CNN3: variants seen among roughly 807,000 people sequenced by gnomAD.
CNN3 encodes the protein calponin 3, also known as calponin-3.
CNN3 carries 11 observed loss-of-function variants against 39.0 expected under a neutral mutation model. That is an observed-to-expected ratio of 0.28 (90% CI 0.18 to 0.47). The LOEUF (loss-of-function observed/expected upper bound fraction) is 0.47. Among genes scored for constraint, CNN3 ranks in the 20% least tolerant of loss-of-function variants. The pLI is 0.99. For missense variants in CNN3, 266 were observed against 403.4 expected (o/e 0.66, Z 2.92); for synonymous variants, 101 against 138.3 (o/e 0.73, Z 1.89).
At chr1:94,905,189 C>T (rs1426238990) in intron 1 of CNN3, among the ~76,000 whole-genome samples, 1 of 152,126 alleles carries the variant, frequency 6.6e-6, no homozygotes, top group African/African-American at 2.4e-5. Context: ...TGTAAGTCAC[C>T]CAACAGTGAA....
intron 1 of CNN3, among the ~76,000 whole-genome samples, chr1:94,907,161 G>A (rs1168244805): frequency 6.6e-6 from 1 of 152,182 alleles, no homozygotes; most frequent in Non-Finnish European, 1.5e-5. Context: ...GTATGTACAA[G>A]CATGCAAAAC....
At chr1:94,907,420 C>A (rs977723294) in intron 1 of CNN3, among the ~76,000 whole-genome samples, 2 of 152,170 alleles carry the variant, frequency 1.3e-5, no homozygotes, top group African/African-American at 4.8e-5. Context: ...GATTTACTAT[C>A]TTCATCTAAA....
In CNN3 at chr1:94,897,702, A is replaced by T. The variant is rs192297808; in HGVS notation, c.*40T>A. On this transcript the variant is annotated 3_prime_UTR_variant, in exon 7 of 7. Transcript: ENST00000370206. Reference sequence around the variant, plus strand: ...AAGGCTAGCTTGGTTCTCACTGAATAAAAACAAAGGACTAAATACTGAGCT... The same window carrying T: ...AAGGCTAGCTTGGTTCTCACTGAATTAAAACAAAGGACTAAATACTGAGCT... 6.4e-7 allele frequency: 1 copy of T among 1,557,582 alleles called. No homozygotes were observed. Among genetic ancestry groups the T allele is most frequent in the Non-Finnish European group, 8.8e-7 (1 of 1,139,000 alleles).
At position 94,897,462 on chromosome 1, in the gene CNN3, G is replaced by A; in HGVS notation, c.*280C>T. 1.2e-5 allele frequency: 3 copies of A among 242,226 alleles called. No homozygotes were observed. The Admixed American group carries it at 1.6e-4, about 13-fold the overall frequency. 15.0% of individuals were successfully genotyped at this position (242,226 alleles called of 1,614,324 possible). ...AAAATGCATAGATTTTTGCATAAAA[G>A]AACTGGCTGTACAAGAGTACTCCCC... On this transcript the variant is annotated 3_prime_UTR_variant, in exon 7 of 7. Transcript: ENST00000370206.
At chr1:94,900,316 C>T (rs1670830765) in intron 5 of CNN3, among the ~76,000 whole-genome samples, 1 of 152,064 alleles carries the variant, frequency 6.6e-6, no homozygotes, top group Admixed American at 6.5e-5. Flanking sequence ...CATTGTGATA[C>T]CACCATCCAT....
intron 1 of CNN3, among the ~76,000 whole-genome samples, chr1:94,916,155 T>C (rs1032959393): frequency 1.4e-4 from 22 of 152,152 alleles, no homozygotes; most frequent in African/African-American, 5.1e-4. Flanking sequence ...TAGTACTCTC[T>C]CCTAACCCCT....
chr1:94,912,458 G>A (rs567877381), intron 1 of CNN3, among the ~76,000 whole-genome samples: 70 of 152,294 alleles, frequency 4.6e-4, no homozygotes, highest in African/African-American at 1.6e-3. Flanking sequence ...TGAAGAGCCC[G>A]GCAGGCGCCC....
chr1:94,920,363 C>A (rs924908776), intron 1 of CNN3, among the ~76,000 whole-genome samples: 1 of 152,116 alleles, frequency 6.6e-6, no homozygotes, highest in African/African-American at 2.4e-5. Flanking sequence ...AAATCTCAGG[C>A]AGATACAAAC....
intron 1 of CNN3, among the ~76,000 whole-genome samples, chr1:94,906,961 T>C (rs1416291210): frequency 2.6e-5 from 4 of 152,216 alleles, no homozygotes; most frequent in Non-Finnish European, 5.9e-5. Flanking sequence ...TAGATCCCAG[T>C]AAGAAGTTTT....
Position 94,897,861 on chromosome 1 carries a change from T to G in CNN3, c.871A>C (p.Asn291His). The G allele has an allele frequency of 6.2e-7, 1 of 1,614,142 alleles. No homozygotes were observed. Among genetic ancestry groups the G allele is most frequent in the Non-Finnish European group, 8.5e-7 (1 of 1,179,996 alleles). ...IHNGSQGTGT[N>H]GSEISDSDYQ... is the part of the protein sequence containing the mutation. The stretch of plus-strand genomic sequence containing the variant: ...TCACTATCACTGATTTCCGAACCAT[T>G]TGTTCCTGTTCCTTGGCTTCCGTTG... The change falls in exon 7 of 7, where the codon AAT becomes CAT. Residue 291 changes from asparagine to histidine, a missense_variant. Transcript: ENST00000370206.
chr1:94,914,155 GTCTCTTCAGCAGGACC>G (rs1671227264), intron 1 of CNN3, among the ~76,000 whole-genome samples: 1 of 152,196 alleles, frequency 6.6e-6, no homozygotes. Context: ...GTCAAGCACT[GTCTCTTCAGCAGGACC>G]TCTAGGTGCC....
At chr1:94,905,177 C>G (rs991085666) in intron 1 of CNN3, among the ~76,000 whole-genome samples, 2 of 152,136 alleles carry the variant, frequency 1.3e-5, no homozygotes, top group Non-Finnish European at 2.9e-5. Flanking sequence ...GGCCAGCTTA[C>G]CTGTAAGTCA....
intron 1 of CNN3, among the ~76,000 whole-genome samples, chr1:94,908,057 C>T (rs1368255686): frequency 6.6e-6 from 1 of 152,156 alleles, no homozygotes; most frequent in Non-Finnish European, 1.5e-5. Context: ...CACACATTCT[C>T]CAAGCAGTGC....
chr1:94,908,784 G>A (rs536793302), intron 1 of CNN3, among the ~76,000 whole-genome samples: 7 of 151,988 alleles, frequency 4.6e-5, no homozygotes, highest in South Asian at 2.1e-4. Flanking sequence ...CAGGTGATCC[G>A]CCCACCTCAG....
rs144827537 is a variant in CNN3 at position 94,914,987 on chromosome 1, G to A, written c.58-11463C>T. On this transcript the variant is annotated intron_variant, in intron 1 of 6. Transcript: ENST00000370206. ...AAGCCTCAACCTCCCAGGCTCAAGC[G>A]ATCCTCCCACCTCAGCCTCCTGAGT... Among the ~76,000 whole-genome samples the A allele has an allele frequency of 1.5e-3, 231 of 151,934 alleles. 1 individual carries two copies. The highest frequency in any genetic ancestry group is 5.1e-3 in the African/African-American group (212 of 41,448).
intron 1 of CNN3, among the ~76,000 whole-genome samples, chr1:94,904,017 A>G (rs996005285): frequency 3.3e-5 from 5 of 152,208 alleles, no homozygotes; most frequent in Admixed American, 6.5e-5. Flanking sequence ...AGCCAAATAC[A>G]CACTATATAC....
At chr1:94,902,519 C>T (rs1378137692) in intron 3 of CNN3, among the ~76,000 whole-genome samples, 1 of 152,032 alleles carries the variant, frequency 6.6e-6, no homozygotes, top group Non-Finnish European at 1.5e-5. Context: ...CAAGATCTTC[C>T]TTATATATTT....
chr1:94,925,967 T>C (rs1245622218), intron 1 of CNN3, among the ~76,000 whole-genome samples: 4 of 151,982 alleles, frequency 2.6e-5, no homozygotes, highest in Non-Finnish European at 5.9e-5. Flanking sequence ...CTCATCTCTT[T>C]CCCAGGCCAA....
chr1:94,909,831 G>C (rs553083297), intron 1 of CNN3, among the ~76,000 whole-genome samples: 6 of 152,070 alleles, frequency 3.9e-5, no homozygotes, highest in Admixed American at 6.5e-5. Flanking sequence ...GTACTTCTCG[G>C]TGTACGCCGA....
Sources: allele counts gnomAD v4.1 joint callset (sites outside exome capture counted in the v4.1 genomes callset), GRCh38; gene constraint gnomAD v4.1.1; transcripts MANE v1.5; gene names NCBI Gene and HGNC (gene_info 2026-07-23, HGNC 2026-07-21).